CAMTA1: variants seen among roughly 807,000 people sequenced by gnomAD.
CAMTA1 encodes the protein calmodulin-binding transcription activator 1.
CAMTA1 carries 27 observed loss-of-function variants against 170.9 expected under a neutral mutation model. The ratio of observed to expected loss-of-function variants is 0.16; its 90% confidence interval spans 0.12 to 0.22. The LOEUF (loss-of-function observed/expected upper bound fraction) is 0.22. Among genes scored for constraint, CAMTA1 ranks in the 10% least tolerant of loss-of-function variants. CAMTA1 has a pLI of 1.00. For synonymous variants in CAMTA1, 833 were observed against 891.5 expected, an observed-to-expected ratio of 0.93 and a Z score of 1.17; for missense variants, 1,619 against 2,217.2, an observed-to-expected ratio of 0.73 and a Z score of 5.42.
At chr1:7,505,032 A>C (rs1019981645) in intron 6 of CAMTA1, among the ~76,000 whole-genome samples, 1 of 149,568 alleles carries the variant, frequency 6.7e-6, no homozygotes, top group African/African-American at 2.5e-5. Flanking sequence ...GCACAAGCAC[A>C]CAGATGCCTC....
chr1:7,753,173 C>T lies in CAMTA1; in HGVS notation c.4958+640C>T, dbSNP rs538874587. On this transcript the variant is annotated intron_variant, in intron 21 of 22. Coordinates refer to ENST00000303635, the MANE Select transcript of CAMTA1 (RefSeq NM_015215.4). ...AGGAAATGGGGTCCTGTGACCCCAG[C>T]ATTCTGTGGGATGCAGCATCTTCTC... Among the ~76,000 whole-genome samples, 7 of 152,348 alleles carry T rather than the reference C, an allele frequency of 4.6e-5. No homozygotes were observed. The East Asian group carries it at 1.2e-3, about 25-fold the overall frequency.
intron 4 of CAMTA1, among the ~76,000 whole-genome samples, chr1:7,172,561 G>A (rs987200671): frequency 1.3e-5 from 2 of 152,192 alleles, no homozygotes; most frequent in South Asian, 2.1e-4. Flanking sequence ...AGGGGGCAGG[G>A]CATGGAGCGA....
At chr1:7,529,517 T>A (rs2150033646) in intron 6 of CAMTA1, among the ~76,000 whole-genome samples, 1 of 152,284 alleles carries the variant, frequency 6.6e-6, no homozygotes, top group East Asian at 1.9e-4. Flanking sequence ...CACAGAGAGC[T>A]TAAGTAACTT....
At chr1:7,723,896 T>G (rs1173193992) in intron 11 of CAMTA1, among the ~76,000 whole-genome samples, 3 of 152,246 alleles carry the variant, frequency 2.0e-5, no homozygotes, top group Non-Finnish European at 4.4e-5. Context: ...CTCAGCTCAC[T>G]GCAACCTCTG....
intron 3 of CAMTA1, among the ~76,000 whole-genome samples, chr1:6,874,613 G>A (rs1669314323): frequency 6.6e-6 from 1 of 152,160 alleles, no homozygotes; most frequent in African/African-American, 2.4e-5. Context: ...GAGAGGAACC[G>A]AATAGTTTAT....
intron 1 of CAMTA1, among the ~76,000 whole-genome samples, chr1:6,793,985 CAGAT>C (rs1209636016): frequency 1.3e-5 from 2 of 151,448 alleles, no homozygotes; most frequent in Admixed American, 1.3e-4. Context: ...GTGAAATTAT[CAGAT>C]AGAAAGAAAA....
chr1:7,457,897 C>T (rs915598687), intron 5 of CAMTA1, among the ~76,000 whole-genome samples: 5 of 152,198 alleles, frequency 3.3e-5, no homozygotes, highest in African/African-American at 1.2e-4. Context: ...CCCCCTTCCG[C>T]GGAGCTCCGG....
Position 7,695,066 on chromosome 1 carries a change from G to A in CAMTA1, c.2914+17333G>A, listed in dbSNP as rs186316786. ...CATGATGTTTATTATGACATCAGAA[G>A]GTCTGGTCTGGGTCACCCAGGAGAG... On this transcript the variant is annotated intron_variant, in intron 11 of 22. Transcript: ENST00000303635. Among the ~76,000 whole-genome samples the A allele has an allele frequency of 2.1e-3, 313 of 152,318 alleles. 1 individual carries two copies. The highest frequency in any genetic ancestry group is 7.3e-3 in the African/African-American group (303 of 41,576).
At chr1:7,019,554 G>A (rs1701059630) in intron 3 of CAMTA1, among the ~76,000 whole-genome samples, 2 of 152,140 alleles carry the variant, frequency 1.3e-5, no homozygotes, top group Non-Finnish European at 1.5e-5. Context: ...GGGCACCAGC[G>A]ACCCTTTCCT....
chr1:7,521,427 G>A (rs2094363754), intron 6 of CAMTA1, among the ~76,000 whole-genome samples: 1 of 152,070 alleles, frequency 6.6e-6, no homozygotes, highest in African/African-American at 2.4e-5. Flanking sequence ...CAAGCCACCA[G>A]TCTCATTCCG....
chr1:7,568,961 T>A (rs111203672), intron 6 of CAMTA1, among the ~76,000 whole-genome samples: 9,137 of 149,338 alleles, frequency 0.061, 880 homozygotes, highest in African/African-American at 0.2. Context: ...ATCTCCATTA[T>A]CATCATCACC....
At chr1:7,571,591 T>C (rs1011042715) in intron 6 of CAMTA1, among the ~76,000 whole-genome samples, 2 of 152,334 alleles carry the variant, frequency 1.3e-5, no homozygotes, top group East Asian at 1.9e-4. Flanking sequence ...ATGCAGTAGT[T>C]GGTTTTCTGT....
Position 6,894,289 on chromosome 1 carries a change from C to G in CAMTA1, c.234+69079C>G, listed in dbSNP as rs202100234. ...TGGGAAGTTTGTTTTAAGGATGATG[C>G]CACCCTCTATTTCTGTGAACCCAGT... On this transcript the variant is annotated intron_variant, in intron 3 of 22. Transcript: ENST00000303635. Among the ~76,000 whole-genome samples the G allele has an allele frequency of 1.3e-4, 20 of 152,280 alleles. No homozygotes were observed. The East Asian group carries it at 3.7e-3, about 28-fold the overall frequency.
chr1:6,982,466 C>T (rs562607127), intron 3 of CAMTA1, among the ~76,000 whole-genome samples: 7 of 152,242 alleles, frequency 4.6e-5, no homozygotes, highest in East Asian at 1.9e-4. Context: ...ACATGGAGAG[C>T]GGGAGGAGGG....
chr1:7,571,630 C>T (rs2095127331), intron 6 of CAMTA1, among the ~76,000 whole-genome samples: 1 of 152,100 alleles, frequency 6.6e-6, no homozygotes, highest in Admixed American at 6.5e-5. Flanking sequence ...AGGAAATGGC[C>T]TCCAGCTCTA....
At chr1:7,490,609 G>C (rs2093688787) in intron 6 of CAMTA1, among the ~76,000 whole-genome samples, 1 of 152,012 alleles carries the variant, frequency 6.6e-6, no homozygotes, top group Non-Finnish European at 1.5e-5. Flanking sequence ...CCGAGATTGT[G>C]CCACTGCACT....
At chr1:7,298,226 G>A (rs139081471) in intron 5 of CAMTA1, among the ~76,000 whole-genome samples, 1 of 152,268 alleles carries the variant, frequency 6.6e-6, no homozygotes, top group African/African-American at 2.4e-5. Context: ...CCTGTGCGGG[G>A]TGTAGGATTA....
At position 6,789,655 on chromosome 1, in the gene CAMTA1, G is replaced by C. The variant is rs1040521525; in HGVS notation, c.45+4080G>C. The stretch of plus-strand genomic sequence containing the variant: ...GCCCTTCTGGGGAGAAGTCGTTTTT[G>C]TATTTATACTCCCATGACTGGAGTC... On this transcript the variant is annotated intron_variant, in intron 1 of 22. Coordinates refer to ENST00000303635, the MANE Select transcript of CAMTA1 (RefSeq NM_015215.4). 4.6e-5 allele frequency among the ~76,000 whole-genome samples: 7 copies of C among 152,096 alleles called. No homozygotes were observed. The East Asian group carries it at 1.2e-3, about 25-fold the overall frequency.
rs537556486 is a variant in CAMTA1 at position 7,592,777 on chromosome 1, C to T, written c.511-47623C>T. 3.1e-4 allele frequency among the ~76,000 whole-genome samples: 47 copies of T among 152,230 alleles called. No individual in the cohort carries two copies. The highest frequency in any genetic ancestry group is 1.0e-3 in the African/African-American group (42 of 41,554). On this transcript the variant is annotated intron_variant, in intron 6 of 22. Coordinates refer to ENST00000303635, the MANE Select transcript of CAMTA1 (RefSeq NM_015215.4). The surrounding 1 kb of genome is among the most constrained non-coding windows in gnomAD (Gnocchi z 4.6). The stretch of plus-strand genomic sequence containing the variant: ...TCTACCTTGGAAAATGAGGATTCTC[C>T]GAGAGCTCCTCCCCACCCTCACACA...
Sources: gnomAD v4.1 joint callset for allele counts (sites outside exome capture counted in the v4.1 genomes callset) on GRCh38, gnomAD v4.1.1 for gene constraint, Gnocchi (gnomAD v3.1) non-coding constraint, MANE v1.5 for transcripts, NCBI Gene and HGNC (gene_info 2026-07-23, HGNC 2026-07-21) for gene names.